The following TAF6 variants were observed in gnomAD, a reference collection of about 807,000 sequenced individuals.
TAF6 encodes the protein transcription initiation factor TFIID subunit 6.
Under a neutral mutation model 73.5 loss-of-function variants are expected in TAF6, and 50 were observed. The ratio of observed to expected loss-of-function variants is 0.68; its 90% confidence interval spans 0.54 to 0.86. The LOEUF (loss-of-function observed/expected upper bound fraction) is 0.86. TAF6 is among the 40% of genes least tolerant of loss of function. TAF6 has a pLI of 0.00. For missense variants in TAF6, 768 were observed against 899.5 expected (o/e 0.85, Z 1.87); for synonymous variants, 424 against 376.7 (o/e 1.13, Z -1.45).
upstream of TAF6, chr7:100,120,198 C>T: frequency 5.4e-6 from 1 of 186,646 alleles, no homozygotes; most frequent in Non-Finnish European, 1.1e-5. Context: ...AGACCTTAAT[C>T]TGCAGAGGCT....
chr7:100,122,729 G>A (rs190905603), upstream of TAF6: 923 of 1,580,660 alleles, frequency 5.8e-4, 1 homozygote, highest in Non-Finnish European at 7.3e-4. Flanking sequence ...GGCAGAAAGG[G>A]GAAGGGAGGG....
Position 100,112,876 on chromosome 7 carries a change from T to C in TAF6, c.496A>G (p.Lys166Glu). 1 of 1,613,830 alleles carries C rather than the reference T, an allele frequency of 6.2e-7. No individual in the cohort carries two copies. The highest frequency in any genetic ancestry group is 8.5e-7 in the Non-Finnish European group (1 of 1,179,802). ...QQKAEATEPL[K>E]SAKPGQEEDG... ...TCCTCCTGGCCTGGCTTGGCTGACT[T>C]CAGGGGTTCTGTGGCTTCAGCCTTC... The change falls in exon 6 of 15, where the codon AAG (lysine) becomes GAG (glutamate). Residue 166 changes from lysine (K) to glutamate (E), a missense_variant. By Grantham distance (56) the Lys-to-Glu change is moderately conservative (BLOSUM62 1). Transcript: ENST00000453269.
At chr7:100,124,036 C>T (rs1353343019), upstream of TAF6, among the ~76,000 whole-genome samples, 1 of 151,814 alleles carries the variant, frequency 6.6e-6, no homozygotes, top group Non-Finnish European at 1.5e-5. Context: ...ACTCAGGAAG[C>T]TGAGGCAGGA....
intron 1 of TAF6, among the ~76,000 whole-genome samples, chr7:100,117,044 G>A (rs1797726094): frequency 1.3e-5 from 2 of 151,814 alleles, no homozygotes; most frequent in East Asian, 2.0e-4. Flanking sequence ...TCAAGAGATC[G>A]AGACCATCCT....
At chr7:100,116,337 CAT>C (rs1383143513) in intron 1 of TAF6, among the ~76,000 whole-genome samples, 1 of 152,032 alleles carries the variant, frequency 6.6e-6, no homozygotes, top group African/African-American at 2.4e-5. Context: ...CCCTGGGCAA[CAT>C]AGCAAAACCC....
chr7:100,109,324 C>CAA (rs765091540), intron 12 of TAF6, among the ~76,000 whole-genome samples: 1 of 109,598 alleles, frequency 9.1e-6, no homozygotes, highest in Non-Finnish European at 1.9e-5. Flanking sequence ...GACTCCATCT[C>CAA]AAAAAAAAAA....
chr7:100,119,762 G>A (rs370762309), upstream of TAF6: 15 of 1,614,060 alleles, frequency 9.3e-6, no homozygotes, highest in African/African-American at 2.0e-4. Flanking sequence ...CTGTGCGGTT[G>A]GGAATATTGC....
intron 1 of TAF6, chr7:100,118,848 A>T (rs2116870607): frequency 2.0e-6 from 2 of 985,284 alleles, no homozygotes; most frequent in East Asian, 1.1e-4. Flanking sequence ...TATAAGTCTT[A>T]TCTATAGGGA....
chr7:100,120,207 C>G (rs185962147), upstream of TAF6: 19 of 180,270 alleles, frequency 1.1e-4, no homozygotes, highest in East Asian at 2.9e-3. Context: ...TCTGCAGAGG[C>G]TGCAGGAGCC....
intron 10 of TAF6, 132 bp downstream of exon 10, chr7:100,111,007 C>A: frequency 8.7e-6 from 8 of 916,490 alleles, no homozygotes; most frequent in Non-Finnish European, 1.1e-5. Flanking sequence ...GTATTACAGA[C>A]AAGCCTCAAG....
chr7:100,116,048 CACTGGGTA>C (rs897946306), intron 1 of TAF6, among the ~76,000 whole-genome samples: 5 of 152,264 alleles, frequency 3.3e-5, no homozygotes, highest in African/African-American at 1.2e-4. Context: ...ATCATCTATC[CACTGGGTA>C]ACTCCAAAAA....
At chr7:100,119,576 G>C, upstream of TAF6, 1 of 1,452,036 alleles carries the variant, frequency 6.9e-7, no homozygotes, top group Non-Finnish European at 9.2e-7. Flanking sequence ...ACGGAGGCAG[G>C]GAAACCCGTA....
chr7:100,110,787 G>C (rs971168438), intron 10 of TAF6, among the ~76,000 whole-genome samples: 1 of 151,982 alleles, frequency 6.6e-6, no homozygotes, highest in Admixed American at 6.6e-5. Context: ...CTCCAGCCTG[G>C]GCAAGAAGAG....
At chr7:100,114,405 G>A (rs749638240) in intron 1 of TAF6, 137 bp from the exon 2 acceptor site, 1 of 875,366 alleles carries the variant, frequency 1.1e-6, no homozygotes, top group South Asian at 1.4e-5. Flanking sequence ...GCCCTGAGGT[G>A]TAACAGAGAA....
At chr7:100,119,844 T>C, upstream of TAF6, 2 of 1,612,366 alleles carry the variant, frequency 1.2e-6, no homozygotes, top group Non-Finnish European at 1.7e-6. Context: ...CACAGAACGC[T>C]TGCCCAGCAA....
Position 100,107,508 on chromosome 7 carries a change from G to A in TAF6, c.1772C>T (p.Ala591Val). ...IVKLVSTATT[A>V]PPSTAPSGPG... ...ACCAGAGGGAGCAGTGCTGGGGGGTGCGGTGGTGGCGGTGGAGACCAACTT... is the reference window on the plus strand; with the variant it reads ...ACCAGAGGGAGCAGTGCTGGGGGGTACGGTGGTGGCGGTGGAGACCAACTT... Residue 591 changes from alanine to valine, a missense_variant, in exon 15 of 15, where the codon GCA becomes GTA. Physicochemically the swap from Ala to Val is moderately conservative, Grantham distance 64. Around this residue, in one of 5 missense-constraint regions of TAF6, gnomAD observed 350 missense variants for 352.3 expected, o/e 0.99. Transcript: ENST00000453269. The A allele has an allele frequency of 6.2e-7, 1 of 1,614,114 alleles. No individual in the cohort carries two copies.
chr7:100,119,586 A>G (rs1797958085), upstream of TAF6: 6 of 1,473,494 alleles, frequency 4.1e-6, no homozygotes, highest in Non-Finnish European at 5.5e-6. Context: ...GGAAACCCGT[A>G]GCAACGAGGC....
At chr7:100,126,016 C>T in the TAF6 span, among the ~76,000 whole-genome samples, 3 of 152,206 alleles carry the variant, frequency 2.0e-5, no homozygotes, top group African/African-American at 7.2e-5. Flanking sequence ...GAAAGCCCGT[C>T]TCTACTAAAA....
At chr7:100,111,055 C>T (rs1482235364) in intron 10 of TAF6, 84 bp downstream of exon 10, 2 of 1,510,664 alleles carry the variant, frequency 1.3e-6, no homozygotes, top group Non-Finnish European at 1.8e-6. Context: ...CCTCTTCCCT[C>T]TGCCCCCTTG....
Sources: allele counts gnomAD v4.1 joint callset (sites outside exome capture counted in the v4.1 genomes callset), GRCh38; gene constraint gnomAD v4.1.1; regional missense constraint gnomAD v4.1.1; transcripts MANE v1.5; gene names NCBI Gene and HGNC (gene_info 2026-07-23, HGNC 2026-07-21).